CNOT7: variants seen among roughly 807,000 people sequenced by gnomAD.
The protein encoded by CNOT7 is BTG1-binding factor 1.
CNOT7 carries 4 observed loss-of-function variants against 37.1 expected under a neutral mutation model. That is an observed-to-expected ratio of 0.11 (90% CI 0.05 to 0.25). CNOT7 has a LOEUF of 0.25. CNOT7 is among the 10% of genes least tolerant of loss of function. The pLI, the probability that CNOT7 is intolerant of heterozygous loss-of-function variation, is 1.00. For synonymous variants in CNOT7, 128 were observed against 115.6 expected (o/e 1.11, Z -0.69); for missense variants, 170 against 336.2 (o/e 0.51, Z 3.87).
intron 2 of CNOT7, 92 bp from the exon 3 acceptor site, chr8:17,243,277 C>T (rs1253744902): frequency 1.2e-5 from 11 of 942,694 alleles, no homozygotes; most frequent in Admixed American, 2.5e-5. Flanking sequence ...AAGAATCCTA[C>T]AGATGATATT....
At chr8:17,243,379 C>A (rs878860156) in intron 2 of CNOT7, 194 bp from the exon 3 acceptor site, 1 of 641,642 alleles carries the variant, frequency 1.6e-6, no homozygotes, top group Admixed American at 2.7e-5. Flanking sequence ...AATAACCTTT[C>A]CTTAAATATA....
intron 2 of CNOT7, chr8:17,243,472 A>G (rs1008637244): frequency 5.5e-6 from 3 of 544,978 alleles, no homozygotes; most frequent in Non-Finnish European, 1.0e-5. Context: ...GAAAATCATA[A>G]ATTCCTGTCT....
At chr8:17,244,447 G>C (rs1025979844) in intron 2 of CNOT7, 1 of 150,984 alleles carries the variant, frequency 6.6e-6, no homozygotes, top group African/African-American at 2.4e-5. Context: ...GTTGCTAGGA[G>C]CAGACCTGGC....
intron 6 of CNOT7, chr8:17,231,704 G>A: frequency 1.0e-6 from 1 of 985,278 alleles, no homozygotes; most frequent in Non-Finnish European, 1.2e-6. Context: ...TTTACCTATA[G>A]CTAGGTGTAT....
At chr8:17,241,417 C>T (rs575062016) in intron 3 of CNOT7, 12 of 152,038 alleles carry the variant, frequency 7.9e-5, no homozygotes, top group African/African-American at 2.9e-4. Flanking sequence ...GAGAGTCAGG[C>T]TAAACACAGT....
intron 3 of CNOT7, among the ~76,000 whole-genome samples, chr8:17,238,525 T>C (rs1341254076): frequency 1.8e-4 from 27 of 151,612 alleles, no homozygotes; most frequent in East Asian, 5.8e-4. Context: ...TTTTTTTTTT[T>C]TCCAGTGAAA....
intron 5 of CNOT7, among the ~76,000 whole-genome samples, chr8:17,234,315 C>A (rs1809040939): frequency 6.6e-6 from 1 of 152,218 alleles, no homozygotes; most frequent in South Asian, 2.1e-4. Context: ...CTAAATACAT[C>A]TGCATATCGC....
intron 5 of CNOT7, among the ~76,000 whole-genome samples, chr8:17,233,255 A>C (rs1808873761): frequency 6.6e-6 from 1 of 152,202 alleles, no homozygotes; most frequent in Non-Finnish European, 1.5e-5. Flanking sequence ...ACAACAAAAC[A>C]AAAATTCTTC....
At chr8:17,243,475 TC>T (rs1276384394) in intron 2 of CNOT7, 1 of 539,488 alleles carries the variant, frequency 1.9e-6, no homozygotes, top group African/African-American at 1.9e-5. Context: ...AATCATAAAT[TC>T]CTGTCTCCCA....
chr8:17,241,099 A>ACTCTGTTGC (rs1415361429), intron 3 of CNOT7, among the ~76,000 whole-genome samples: 1 of 152,004 alleles, frequency 6.6e-6, no homozygotes, highest in Non-Finnish European at 1.5e-5. Context: ...ACAAAGTATC[A>ACTCTGTTGC]CTCTGTTGCC....
rs1156437965 is a variant in CNOT7, at chr8:17,228,402, C to T, written c.*2318G>A. 1 of 151,926 alleles carries T rather than the reference C, an allele frequency of 6.6e-6. No individual in the cohort carries two copies. Among genetic ancestry groups the T allele is most frequent in the African/African-American group, 2.4e-5 (1 of 41,428 alleles). The allele number at this position is 151,926 out of a possible 1,614,324, so 9.4% of individuals were successfully genotyped here. A position where few individuals can be genotyped will look rare whatever the true frequency, so the allele number is the denominator to read the frequency against. On this transcript the variant is annotated 3_prime_UTR_variant, in exon 7 of 7. Transcript: ENST00000361272. ...ACCCAGTAAAAGTCAAAATGTTCCT[C>T]TACAAAAGTTACACTATACGGTTGC...
intron 4 of CNOT7, among the ~76,000 whole-genome samples, chr8:17,235,719 T>C (rs929293799): frequency 6.6e-6 from 1 of 152,162 alleles, no homozygotes; most frequent in African/African-American, 2.4e-5. Context: ...AAGATTATAT[T>C]AGCGCTTAGG....
chr8:17,243,363 A>G (rs2151005893), intron 2 of CNOT7, 178 bp from the exon 3 acceptor site: 2 of 640,840 alleles, frequency 3.1e-6, no homozygotes, highest in Non-Finnish European at 5.5e-6. Context: ...AAAACTCTAT[A>G]AACTTAATAA....
intron 3 of CNOT7, among the ~76,000 whole-genome samples, chr8:17,240,944 C>CA (rs1190465493): frequency 3.9e-5 from 6 of 152,096 alleles, no homozygotes; most frequent in East Asian, 3.9e-4. Context: ...TAAACAACAA[C>CA]AAAAAAATCT....
rs1039518359 is a variant in CNOT7 at position 17,225,900 on chromosome 8, T to G, written c.*4820A>C. The G allele has an allele frequency of 1.3e-5, 2 of 151,624 alleles. No homozygotes were observed. Among genetic ancestry groups the G allele is most frequent in the African/African-American group, 2.4e-5 (1 of 41,388 alleles). The allele number at this position is 151,624 out of a possible 1,614,324, so 9.4% of individuals were successfully genotyped here. A position where few individuals can be genotyped will look rare whatever the true frequency, so the allele number is the denominator to read the frequency against. The stretch of plus-strand genomic sequence containing the variant: ...TATTTTATAGACATGAGATAACATA[T>G]GCATTCATAATTTGATTCCACCTCA... On this transcript the variant is annotated 3_prime_UTR_variant, in exon 7 of 7. Coordinates refer to ENST00000361272, the MANE Select transcript of CNOT7 (RefSeq NM_013354.7).
intron 2 of CNOT7, among the ~76,000 whole-genome samples, chr8:17,244,023 A>G (rs1202976249): frequency 6.6e-6 from 1 of 152,204 alleles, no homozygotes; most frequent in African/African-American, 2.4e-5. Context: ...CTATCAAGTC[A>G]CTATGAAATA....
Position 17,228,676 on chromosome 8 carries a change from G to C in CNOT7, c.*2044C>G, listed in dbSNP as rs554584633. On this transcript the variant is annotated 3_prime_UTR_variant, in exon 7 of 7. Transcript: ENST00000361272. The stretch of plus-strand genomic sequence containing the variant: ...AAATCATTAAGTCGAAAGTAAGTTA[G>C]GGATTATCTATACTTTTTAGGGACA... 2.6e-5 allele frequency: 4 copies of C among 151,994 alleles called. No homozygotes were observed. In the East Asian group the frequency reaches 5.8e-4, roughly 22 times the overall value. 9.4% of individuals were successfully genotyped at this position (151,994 alleles called of 1,614,324 possible). A position where few individuals can be genotyped will look rare whatever the true frequency, so the allele number is the denominator to read the frequency against.
intron 3 of CNOT7, among the ~76,000 whole-genome samples, chr8:17,240,015 A>G (rs1325148744): frequency 6.6e-6 from 1 of 152,216 alleles, no homozygotes; most frequent in Non-Finnish European, 1.5e-5. Context: ...ACTGAGTTAT[A>G]AAGACCACGA....
chr8:17,238,981 A>G (rs1365093229), intron 3 of CNOT7, among the ~76,000 whole-genome samples: 3 of 152,174 alleles, frequency 2.0e-5, no homozygotes, highest in African/African-American at 4.8e-5. Context: ...CCTAACATAC[A>G]ACTCCTTAAC....
Sources: allele counts gnomAD v4.1 joint callset (sites outside exome capture counted in the v4.1 genomes callset), GRCh38; gene constraint gnomAD v4.1.1; transcripts MANE v1.5; gene names NCBI Gene and HGNC (gene_info 2026-07-23, HGNC 2026-07-21).